The following LDLRAD4 variants were observed in gnomAD, a reference collection of about 807,000 sequenced individuals.
LDLRAD4 encodes low density lipoprotein receptor class A domain containing 4.
In LDLRAD4, 5 loss-of-function variants were observed where a neutral mutation model predicts 17.0. The observed-to-expected ratio is 0.29, with a 90% confidence interval of 0.15 to 0.62. LDLRAD4 has a LOEUF of 0.62. Ranked by LOEUF, LDLRAD4 falls within the 20% of genes least tolerant of loss-of-function variation. The pLI is 0.84. For missense variants in LDLRAD4, 340 were observed against 424.7 expected (o/e 0.80, Z 1.75); for synonymous variants, 168 against 171.8 (o/e 0.98, Z 0.17).
chr18:13,613,957 G>C (rs1404902512), intron 3 of LDLRAD4: 1 of 152,248 alleles, frequency 6.6e-6, no homozygotes, highest in Non-Finnish European at 1.5e-5. Context: ...AGAGTAACCA[G>C]GAGGCTCTTT....
intron 1 of LDLRAD4, among the ~76,000 whole-genome samples, chr18:13,377,528 C>A (rs1259206169): frequency 6.6e-6 from 1 of 152,128 alleles, no homozygotes; most frequent in East Asian, 1.9e-4. Flanking sequence ...CTTCTGGTTC[C>A]CTTAAGTGGG....
intron 2 of LDLRAD4, among the ~76,000 whole-genome samples, chr18:13,423,118 G>A (rs1201175828): frequency 6.6e-6 from 1 of 152,214 alleles, no homozygotes; most frequent in Non-Finnish European, 1.5e-5. Flanking sequence ...TAATCATGAT[G>A]AGCCACCACT....
intron 3 of LDLRAD4, among the ~76,000 whole-genome samples, chr18:13,539,755 A>T (rs1671943949): frequency 6.6e-6 from 1 of 152,184 alleles, no homozygotes; most frequent in African/African-American, 2.4e-5. Context: ...GCTCAATTGC[A>T]TCCTGGGTTA....
intron 1 of LDLRAD4, among the ~76,000 whole-genome samples, chr18:13,374,960 C>A (rs957070119): frequency 2.6e-5 from 4 of 152,160 alleles, no homozygotes; most frequent in African/African-American, 9.7e-5. Flanking sequence ...GTCTAGCCAC[C>A]CAGCCTCCAC....
chr18:13,437,552 A>T (rs1314772725), intron 2 of LDLRAD4, among the ~76,000 whole-genome samples: 1 of 152,230 alleles, frequency 6.6e-6, no homozygotes, highest in African/African-American at 2.4e-5. Context: ...GCCTGTGTTC[A>T]GTGTGGCCTA....
Position 13,387,614 on chromosome 18 carries a change from AGAGC to A in LDLRAD4, c.-106_-103del, listed in dbSNP as rs1267932722. On this transcript the variant is annotated 5_prime_UTR_variant, in exon 2 of 6. It adds an upstream start codon to the 5' untranslated region. Coordinates refer to ENST00000359446, the Ensembl canonical transcript of LDLRAD4. ...GGATGCTCCCAGAGGCCGGCCCAGC[AGAGC>A]GATGGACTTGGACAGGCTAAGATGG... is the stretch of plus-strand genomic sequence containing the variant. 12 of 1,007,116 alleles carry A rather than the reference AGAGC, an allele frequency of 1.2e-5. No homozygotes were observed. Among genetic ancestry groups the A allele is most frequent in the Non-Finnish European group, 1.7e-5 (11 of 643,780 alleles). 62.4% of individuals were successfully genotyped at this position (1,007,116 alleles called of 1,614,324 possible).
chr18:13,233,196 C>T (rs1170585065), intron 1 of LDLRAD4, among the ~76,000 whole-genome samples: 2 of 152,248 alleles, frequency 1.3e-5, no homozygotes, highest in East Asian at 1.9e-4. Flanking sequence ...TGCTTGGACA[C>T]GGGTCACTGG....
intron 3 of LDLRAD4, among the ~76,000 whole-genome samples, chr18:13,497,289 G>A (rs1476555737): frequency 2.6e-5 from 4 of 152,152 alleles, no homozygotes; most frequent in African/African-American, 9.7e-5. Context: ...CAATCCTCCT[G>A]CCTCAGCCTC....
At chr18:13,413,818 C>T (rs2088602746) in intron 2 of LDLRAD4, among the ~76,000 whole-genome samples, 3 of 151,776 alleles carry the variant, frequency 2.0e-5, no homozygotes, top group Non-Finnish European at 2.9e-5. Flanking sequence ...GTAATCTCAG[C>T]GACTGTGGGA....
intron 3 of LDLRAD4, among the ~76,000 whole-genome samples, chr18:13,564,168 C>T (rs1298956): frequency 0.87 from 133,171 of 152,266 alleles, 60,217 homozygotes; most frequent in South Asian, 0.99. Context: ...AGGCGTGAGT[C>T]GACAGGCTCC....
At chr18:13,611,861 G>T in intron 3 of LDLRAD4, 1 of 985,460 alleles carries the variant, frequency 1.0e-6, no homozygotes, top group Non-Finnish European at 1.2e-6. Flanking sequence ...ACAGAGCTCG[G>T]TGGCAAGAGC....
chr18:13,226,180 C>CTTTTTTTTTTTTTTTTGTTTTTTT (rs2041785880), intron 1 of LDLRAD4, among the ~76,000 whole-genome samples: 1 of 52,188 alleles, frequency 1.9e-5, no homozygotes, highest in Non-Finnish European at 3.3e-5. Flanking sequence ...CCATGCCTTG[C>CTTTTTTTTTTTTTTTTGTTTTTTT]TTTTTTTTTT....
intron 4 of LDLRAD4, among the ~76,000 whole-genome samples, chr18:13,636,445 G>A (rs1349692982): frequency 6.7e-6 from 1 of 149,610 alleles, no homozygotes; most frequent in African/African-American, 2.4e-5. Flanking sequence ...AAGCCCAAAG[G>A]AAAATAAAGA....
At chr18:13,642,928 GTTT>G (rs113846373) in intron 4 of LDLRAD4, among the ~76,000 whole-genome samples, 2 of 133,788 alleles carry the variant, frequency 1.5e-5, no homozygotes, top group African/African-American at 2.9e-5. Context: ...TCTATTTTTT[GTTT>G]TTTTTTTTTC....
chr18:13,610,502 G>A (rs1309967347), intron 3 of LDLRAD4, among the ~76,000 whole-genome samples: 1 of 151,848 alleles, frequency 6.6e-6, no homozygotes, highest in East Asian at 1.9e-4. Context: ...GACCAGGCTG[G>A]TCTTGAACTC....
At chr18:13,469,357 A>G (rs2092708164) in intron 3 of LDLRAD4, among the ~76,000 whole-genome samples, 1 of 152,254 alleles carries the variant, frequency 6.6e-6, no homozygotes, top group South Asian at 2.1e-4. Context: ...TACAATTACC[A>G]TATGATGCAA....
At chr18:13,357,934 C>T (rs1046492698) in intron 1 of LDLRAD4, among the ~76,000 whole-genome samples, 7 of 152,114 alleles carry the variant, frequency 4.6e-5, no homozygotes, top group Non-Finnish European at 8.8e-5. Context: ...CGATCCATCA[C>T]AATTATTATT....
At chr18:13,427,668 A>G (rs1017031659) in intron 2 of LDLRAD4, among the ~76,000 whole-genome samples, 2 of 152,234 alleles carry the variant, frequency 1.3e-5, no homozygotes, top group African/African-American at 4.8e-5. Context: ...CTGGGTAGGG[A>G]CAGATGGAAA....
chr18:13,421,981 T>C (rs16940496), intron 2 of LDLRAD4, among the ~76,000 whole-genome samples: 3,016 of 152,316 alleles, frequency 0.02, 96 homozygotes, highest in African/African-American at 0.069. Context: ...GGCTACCCCA[T>C]GCTTCTGATG....
Sources: allele counts gnomAD v4.1 joint callset (sites outside exome capture counted in the v4.1 genomes callset), GRCh38; gene constraint gnomAD v4.1.1; transcripts MANE v1.5; gene names NCBI Gene and HGNC (gene_info 2026-07-23, HGNC 2026-07-21).